Variants in PDZRN4 observed in about 807,000 individuals in gnomAD.
PDZRN4 encodes the protein PDZ domain containing ring finger 4.
PDZRN4 carries 70 observed loss-of-function variants against 99.0 expected under a neutral mutation model. The ratio of observed to expected loss-of-function variants is 0.71; its 90% CI spans 0.58 to 0.86. The LOEUF is 0.86. PDZRN4 is among the 40% of genes least tolerant of loss of function. The probability of loss-of-function intolerance (pLI) is 0.00; values close to 1 mark genes in which losing one functional copy is unlikely to be tolerated. For synonymous variants in PDZRN4, 551 were observed against 501.6 expected, an observed-to-expected ratio of 1.10 and a Z score of -1.32; for missense variants, 1,474 against 1,331.2, an observed-to-expected ratio of 1.11 and a Z score of -1.67.
At chr12:41,539,424 T>C (rs1938809261) in intron 5 of PDZRN4, among the ~76,000 whole-genome samples, 2 of 152,054 alleles carry the variant, frequency 1.3e-5, no homozygotes, top group Admixed American at 6.6e-5. Flanking sequence ...TATTAAAATA[T>C]TACCTTACCT....
chr12:41,263,919 C>A (rs1192417950), intron 3 of PDZRN4, among the ~76,000 whole-genome samples: 3 of 152,138 alleles, frequency 2.0e-5, no homozygotes, highest in Admixed American at 6.5e-5. Context: ...CATCAACATG[C>A]TTTTACCTCT....
At chr12:41,438,034 C>T in intron 3 of PDZRN4, 1 of 1,612,166 alleles carries the variant, frequency 6.2e-7, no homozygotes, top group South Asian at 1.1e-5. Context: ...GGTCTGATAC[C>T]AGCAACTAAG....
intron 3 of PDZRN4, among the ~76,000 whole-genome samples, chr12:41,336,774 T>C (rs1030536421): frequency 6.6e-6 from 1 of 151,972 alleles, no homozygotes; most frequent in Non-Finnish European, 1.5e-5. Context: ...GAAGATGGAA[T>C]CATGGGGGTC....
chr12:41,270,191 A>T (rs999917812), intron 3 of PDZRN4, among the ~76,000 whole-genome samples: 1 of 152,038 alleles, frequency 6.6e-6, no homozygotes, highest in Non-Finnish European at 1.5e-5. Context: ...AAATGCGCTA[A>T]TAGATGTAAC....
chr12:41,496,619 C>T (rs1938009852), intron 3 of PDZRN4, among the ~76,000 whole-genome samples: 1 of 152,060 alleles, frequency 6.6e-6, no homozygotes, highest in Admixed American at 6.6e-5. Context: ...ACTCAGAAAT[C>T]ATTTGTACAA....
At chr12:41,556,685 A>C (rs555451365) in intron 7 of PDZRN4, among the ~76,000 whole-genome samples, 2 of 152,362 alleles carry the variant, frequency 1.3e-5, no homozygotes, top group East Asian at 3.9e-4. Flanking sequence ...ATGTGGAAAC[A>C]TAGAGACTGA....
At chr12:41,560,764 A>G (rs945471235) in intron 7 of PDZRN4, among the ~76,000 whole-genome samples, 2 of 152,212 alleles carry the variant, frequency 1.3e-5, no homozygotes, top group Admixed American at 1.3e-4. Flanking sequence ...TGAAAGCTCT[A>G]TCTGATTCTG....
intron 3 of PDZRN4, among the ~76,000 whole-genome samples, chr12:41,499,396 A>G (rs1295090399): frequency 2.0e-5 from 3 of 152,148 alleles, no homozygotes; most frequent in African/African-American, 7.2e-5. Flanking sequence ...TAATAAAACT[A>G]TGTCGTGTGC....
intron 3 of PDZRN4, among the ~76,000 whole-genome samples, chr12:41,347,529 G>A (rs1951862063): frequency 6.6e-6 from 1 of 152,056 alleles, no homozygotes; most frequent in Non-Finnish European, 1.5e-5. Context: ...GGGTTCTTTA[G>A]ATATTTTGTG....
At chr12:41,395,849 C>A (rs1197175737) in intron 3 of PDZRN4, among the ~76,000 whole-genome samples, 1 of 152,090 alleles carries the variant, frequency 6.6e-6, no homozygotes. Context: ...TTAGATTTTT[C>A]TGAGATCTTA....
At chr12:41,421,282 T>C (rs999232379) in intron 3 of PDZRN4, among the ~76,000 whole-genome samples, 1 of 152,134 alleles carries the variant, frequency 6.6e-6, no homozygotes, top group Non-Finnish European at 1.5e-5. Context: ...CACTGCAACC[T>C]CTGTCTCCCA....
At chr12:41,446,111 T>C (rs1000636538) in intron 3 of PDZRN4, among the ~76,000 whole-genome samples, 2 of 152,124 alleles carry the variant, frequency 1.3e-5, no homozygotes, top group Admixed American at 1.3e-4. Flanking sequence ...TATTTCGACA[T>C]GTAACATCTA....
At chr12:41,482,287 G>A (rs1251527692) in intron 3 of PDZRN4, among the ~76,000 whole-genome samples, 1 of 152,148 alleles carries the variant, frequency 6.6e-6, no homozygotes, top group Non-Finnish European at 1.5e-5. Context: ...ATATGCCTCA[G>A]CAGATTCCCA....
At chr12:41,420,166 A>C (rs902950252) in intron 3 of PDZRN4, among the ~76,000 whole-genome samples, 1 of 152,176 alleles carries the variant, frequency 6.6e-6, no homozygotes. Flanking sequence ...TAAATTGTCC[A>C]TATCTTTAGT....
intron 3 of PDZRN4, among the ~76,000 whole-genome samples, chr12:41,424,316 A>G (rs1219200692): frequency 2.6e-5 from 4 of 152,122 alleles, no homozygotes; most frequent in Non-Finnish European, 5.9e-5. Flanking sequence ...ACTTAGTTTG[A>G]TTATATAAAG....
chr12:41,403,178 A>AT (rs1208356274), intron 3 of PDZRN4, among the ~76,000 whole-genome samples: 1 of 152,108 alleles, frequency 6.6e-6, no homozygotes, highest in Non-Finnish European at 1.5e-5. Context: ...AGAACTTGTG[A>AT]TTCCCCCCAC....
chr12:41,534,888 A>G (rs1014674341), intron 5 of PDZRN4, among the ~76,000 whole-genome samples: 1 of 152,004 alleles, frequency 6.6e-6, no homozygotes, highest in African/African-American at 2.4e-5. Context: ...CTTTATCTCC[A>G]TATTTCCTAA....
intron 3 of PDZRN4, among the ~76,000 whole-genome samples, chr12:41,278,039 G>A (rs905242753): frequency 3.7e-4 from 57 of 152,188 alleles, no homozygotes; most frequent in Admixed American, 1.3e-4. Flanking sequence ...TGTAAAAGCT[G>A]TAGCTATAAG....
intron 3 of PDZRN4, among the ~76,000 whole-genome samples, chr12:41,309,715 G>T (rs569175899): frequency 1.1e-4 from 16 of 152,002 alleles, no homozygotes; most frequent in Non-Finnish European, 2.1e-4. Flanking sequence ...AAAGTTAAAC[G>T]ATCCAATAGA....
Sources: gnomAD v4.1 joint callset for allele counts (sites outside exome capture counted in the v4.1 genomes callset) on GRCh38, gnomAD v4.1.1 for gene constraint, MANE v1.5 for transcripts, NCBI Gene and HGNC (gene_info 2026-07-23, HGNC 2026-07-21) for gene names.